The following DENND2D variants were observed in gnomAD, a reference collection of about 807,000 sequenced individuals.
DENND2D encodes the protein DENN domain containing 2D, also known as DENN domain-containing protein 2D.
DENND2D carries 37 observed loss-of-function variants against 59.8 expected under a neutral mutation model. The ratio of observed to expected loss-of-function variants is 0.62; its 90% CI spans 0.48 to 0.81. The LOEUF is 0.81. Ranked by LOEUF, DENND2D falls within the 40% of genes least tolerant of loss-of-function variation. The pLI is 0.00. For synonymous variants in DENND2D, 219 were observed against 211.3 expected (o/e 1.04, Z -0.31); for missense variants, 525 against 579.7 (o/e 0.91, Z 0.97).
At chr1:111,202,389 A>G (rs773211009), upstream of DENND2D, 15 of 152,176 alleles carry the variant, frequency 9.9e-5, no homozygotes, top group Non-Finnish European at 1.9e-4. Flanking sequence ...GTAAGAGAAA[A>G]CTAACCTCCA....
In DENND2D at chr1:111,192,266, G is replaced by A; in HGVS notation, c.846C>T (p.Ser282=). Reference sequence around the variant, plus strand: ...CAACAGGGATGTAGGTGTGCGCCCAGCTGAAGGGGTAGAGCAGTGCGGCAG... The same window carrying A: ...CAACAGGGATGTAGGTGTGCGCCCAACTGAAGGGGTAGAGCAGTGCGGCAG... ...HAAAALLYPF[S]WAHTYIPVVP... The change falls in exon 8 of 12, where the codon AGC becomes AGT. Residue 282 remains serine, a synonymous_variant. Transcript: ENST00000357640. 1 of 1,613,886 alleles carries A rather than the reference G, an allele frequency of 6.2e-7. No individual in the cohort carries two copies. Among genetic ancestry groups the A allele is most frequent in the South Asian group, 1.1e-5 (1 of 91,032 alleles).
In DENND2D at chr1:111,188,262, TGG is replaced by T; in HGVS notation, c.1206_1207del (p.His403LeufsTer8). ...CTTACAGAAGGATCTTTCTTGGAAG[TGG>T]CCTTGCCCATTTGCCTCCCGCTTGA... is the stretch of plus-strand genomic sequence containing the variant. On this transcript the variant is annotated frameshift_variant, in exon 11 of 12. Coordinates refer to ENST00000357640, the MANE Select transcript of DENND2D (RefSeq NM_024901.5). LOFTEE classifies it high-confidence loss of function. 6.2e-7 allele frequency: 1 copy of T among 1,614,086 alleles called. No individual in the cohort carries two copies. The highest frequency in any genetic ancestry group is 8.5e-7 in the Non-Finnish European group (1 of 1,180,036).
chr1:111,197,394 C>T (rs945116028), intron 4 of DENND2D, 141 bp from the exon 5 acceptor site: 19 of 1,461,850 alleles, frequency 1.3e-5, no homozygotes, highest in Non-Finnish European at 1.7e-5. Context: ...GTCAGAATGG[C>T]CACCAGCATC....
At chr1:111,189,403 C>A in intron 8 of DENND2D, 150 bp from the exon 9 acceptor site, 2 of 752,868 alleles carry the variant, frequency 2.7e-6, no homozygotes, top group Admixed American at 4.9e-5. Context: ...ATCTAGCATT[C>A]TCCTTTCTCA....
At chr1:111,189,028 T>C (rs965920041) in intron 9 of DENND2D, among the ~76,000 whole-genome samples, 184 bp downstream of exon 9, 62 of 152,328 alleles carry the variant, frequency 4.1e-4, no homozygotes, top group African/African-American at 1.4e-3. Context: ...CTATCACTGA[T>C]TGTCTTATAG....
upstream of DENND2D, among the ~76,000 whole-genome samples, chr1:111,203,831 CTGGGCA>C (rs1287722696): frequency 2.0e-5 from 3 of 151,298 alleles, no homozygotes; most frequent in Non-Finnish European, 4.4e-5. Flanking sequence ...TGGCTATCTG[CTGGGCA>C]GGGGCAGGGG....
At chr1:111,194,015 T>C (rs657605) in intron 7 of DENND2D, among the ~76,000 whole-genome samples, 43,439 of 152,186 alleles carry the variant, frequency 0.29, 6,805 homozygotes, top group African/African-American at 0.42. Context: ...TTTCCATTTT[T>C]AAGAAGTTAA....
At chr1:111,187,773 C>T in intron 11 of DENND2D, 92 bp from the exon 12 acceptor site, 1 of 1,012,738 alleles carries the variant, frequency 9.9e-7, no homozygotes, top group Non-Finnish European at 1.5e-6. Context: ...ATCCTGTCTG[C>T]TCCCCATACT....
intron 8 of DENND2D, among the ~76,000 whole-genome samples, chr1:111,189,511 C>G (rs185109670): frequency 4.0e-4 from 61 of 152,320 alleles, no homozygotes; most frequent in Admixed American, 1.2e-3. Flanking sequence ...AAGGGAAATA[C>G]AAGATGGAGA....
At position 111,197,219 on chromosome 1, in the gene DENND2D, T is replaced by G. The variant is rs1571193212; in HGVS notation, c.461A>C (p.Tyr154Ser). ...AGPGPRLPKVYCIISCIGCFG... is the reference protein window; with the variant it reads ...AGPGPRLPKVSCIISCIGCFG... ...GCAGCCGATGCAGCTGATGATGCAGTACACTTTGGGAAGGCGAGGGCCAGG... is the reference window on the plus strand; with the variant it reads ...GCAGCCGATGCAGCTGATGATGCAGGACACTTTGGGAAGGCGAGGGCCAGG... The change falls in exon 5 of 12, where the codon TAC becomes TCC. Residue 154 changes from tyrosine to serine, a missense_variant. Around this residue, in one of 3 missense-constraint regions of DENND2D, gnomAD observed 253 missense variants for 246.4 expected, o/e 1.03. Transcript: ENST00000357640. 6.2e-7 allele frequency: 1 copy of G among 1,613,900 alleles called. No homozygotes were observed. The highest frequency in any genetic ancestry group is 1.3e-5 in the African/African-American group (1 of 75,042).
chr1:111,195,988 G>C lies in DENND2D; in HGVS notation c.573C>G (p.Leu191=). 1.2e-6 allele frequency: 2 copies of C among 1,614,106 alleles called. No individual in the cohort carries two copies. The highest frequency in any genetic ancestry group is 1.7e-6 in the Non-Finnish European group (2 of 1,180,012). The change falls in exon 6 of 12, where the codon CTC becomes CTG. Residue 191 remains leucine, a synonymous_variant. Coordinates refer to ENST00000357640, the MANE Select transcript of DENND2D (RefSeq NM_024901.5). ...CAGGAGCAGGGAAGGCTGCCTCTCGGAGGCCCTGCATGAACGGGTAGATGA... is the reference window on the plus strand; with the variant it reads ...CAGGAGCAGGGAAGGCTGCCTCTCGCAGGCCCTGCATGAACGGGTAGATGA... ...MAVIYPFMQG[L]REAAFPAPGK...
At chr1:111,189,336 G>A (rs1172881267) in intron 8 of DENND2D, 83 bp from the exon 9 acceptor site, 1 of 1,491,848 alleles carries the variant, frequency 6.7e-7, no homozygotes, top group Non-Finnish European at 9.3e-7. Flanking sequence ...TTCTGCCTGT[G>A]GCTGTATCTT....
upstream of DENND2D, among the ~76,000 whole-genome samples, chr1:111,201,780 C>T (rs1658829242): frequency 6.6e-6 from 1 of 152,176 alleles, no homozygotes; most frequent in African/African-American, 2.4e-5. Context: ...CTCCTAAGAG[C>T]TCTAGACCTG....
rs1658472248 is a variant in DENND2D at position 111,198,546 on chromosome 1, G to A, written c.356+84C>T. ...GGCCGAAAATCAACAAATGACAGCA[G>A]TGAGGGAGGCTACAGGAGCCACAGA... On this transcript the variant is annotated intron_variant, in intron 3 of 11. Coordinates refer to ENST00000357640, the MANE Select transcript of DENND2D (RefSeq NM_024901.5). The A allele has an allele frequency of 3.7e-6, 5 of 1,334,566 alleles. No individual in the cohort carries two copies. In the South Asian group the frequency reaches 4.8e-5, roughly 13 times the overall value. The allele number at this position is 1,334,566 out of a possible 1,614,324, so 82.7% of individuals were successfully genotyped here. A position where few individuals can be genotyped will look rare whatever the true frequency, so the allele number is the denominator to read the frequency against.
Position 111,194,486 on chromosome 1 carries a change from A to T in DENND2D, c.794+92T>A, listed in dbSNP as rs1571186196. 2.7e-6 allele frequency: 4 copies of T among 1,469,748 alleles called. No homozygotes were observed. The East Asian group carries it at 9.1e-5, about 33-fold the overall frequency. 91.0% of individuals were successfully genotyped at this position (1,469,748 alleles called of 1,614,324 possible). A position where few individuals can be genotyped will look rare whatever the true frequency, so the allele number is the denominator to read the frequency against. ...ACAGGAGGGTGGGCGCATGGACCCT[A>T]CAGCCCATTTTCCTTGGATAACCTC... On this transcript the variant is annotated intron_variant, in intron 7 of 11. Coordinates refer to ENST00000357640, the MANE Select transcript of DENND2D (RefSeq NM_024901.5).
chr1:111,197,073 G>A, intron 5 of DENND2D, 103 bp downstream of exon 5: 1 of 1,312,572 alleles, frequency 7.6e-7, no homozygotes, highest in Non-Finnish European at 1.1e-6. Context: ...TGCTGACTCT[G>A]GCTATGGGAG....
chr1:111,200,489 C>T lies in DENND2D; in HGVS notation c.-30G>A. ...GGGCCTTCAGGACAGAGCGGACTCC[C>T]CTCTCCCCTAACACAGACAGACTGG... is the stretch of plus-strand genomic sequence containing the variant. On this transcript the variant is annotated 5_prime_UTR_variant, in exon 1 of 12. Transcript: ENST00000357640. 6.9e-6 allele frequency: 11 copies of T among 1,591,170 alleles called. No homozygotes were observed. The highest frequency in any genetic ancestry group is 9.4e-6 in the Non-Finnish European group (11 of 1,168,616).
At position 111,200,456 on chromosome 1, in the gene DENND2D, C is replaced by T; in HGVS notation, c.4G>A (p.Glu2Lys). M[E>K]GQVVGRVFRL... ...AACACCCGGCCTACCACTTGTCCTT[C>T]CATCTCTGGGCCTTCAGGACAGAGC... Residue 2 changes from glutamate to lysine, a missense_variant, in exon 1 of 12, where the codon GAA becomes AAA. This residue lies in a region of DENND2D where 253 missense variants were observed against 246.4 expected (regional missense o/e 1.03). Coordinates refer to ENST00000357640, the MANE Select transcript of DENND2D (RefSeq NM_024901.5). 1 of 1,610,458 alleles carries T rather than the reference C, an allele frequency of 6.2e-7. No individual in the cohort carries two copies. The highest frequency in any genetic ancestry group is 8.5e-7 in the Non-Finnish European group (1 of 1,178,274).
chr1:111,188,433 T>G, intron 10 of DENND2D, 63 bp from the exon 11 acceptor site: 1 of 1,585,102 alleles, frequency 6.3e-7, no homozygotes, highest in Non-Finnish European at 8.6e-7. Flanking sequence ...CAAACTCACC[T>G]TCAAGAATGG....
Sources: gnomAD v4.1 joint callset for allele counts (sites outside exome capture counted in the v4.1 genomes callset) on GRCh38, gnomAD v4.1.1 for gene constraint, gnomAD v4.1.1 regional missense constraint, MANE v1.5 for transcripts, NCBI Gene and HGNC (gene_info 2026-07-23, HGNC 2026-07-21) for gene names.